CPNE4: variants seen among roughly 807,000 people sequenced by gnomAD.
The protein encoded by CPNE4 is copine-4.
In CPNE4, 25 loss-of-function variants were observed where a neutral mutation model predicts 67.9. The observed-to-expected ratio is 0.37, with a 90% CI of 0.27 to 0.51. The LOEUF (loss-of-function observed/expected upper bound fraction) is 0.51. Among genes scored for constraint, CPNE4 ranks in the 20% least tolerant of loss-of-function variants. The pLI, the probability that CPNE4 is intolerant of heterozygous loss-of-function variation, is 0.93. For missense variants in CPNE4, 464 were observed against 690.8 expected (o/e 0.67, Z 3.68); for synonymous variants, 242 against 244.9 (o/e 0.99, Z 0.11).
At chr3:131,851,931 G>A (rs1288219106) in intron 2 of CPNE4, among the ~76,000 whole-genome samples, 1 of 151,912 alleles carries the variant, frequency 6.6e-6, no homozygotes, top group Non-Finnish European at 1.5e-5. Flanking sequence ...CCTGATAACC[G>A]CACAGTCTTA....
chr3:131,552,427 C>G lies in CPNE4; in HGVS notation c.1168+13G>C. On this transcript the variant is annotated intron_variant, in intron 13 of 15. Transcript: ENST00000429747. ...GGACTGTGACACTGGCTTTCTTTCACGTTGTGCTTTACCTGCACATTCTGG... is the reference window on the plus strand; with the variant it reads ...GGACTGTGACACTGGCTTTCTTTCAGGTTGTGCTTTACCTGCACATTCTGG... 6.2e-7 allele frequency: 1 copy of G among 1,610,526 alleles called. No individual in the cohort carries two copies. Among genetic ancestry groups the G allele is most frequent in the East Asian group, 2.2e-5 (1 of 44,822 alleles).
intron 1 of CPNE4, among the ~76,000 whole-genome samples, chr3:131,945,458 C>T (rs2071525541): frequency 6.6e-6 from 1 of 152,160 alleles, no homozygotes; most frequent in African/African-American, 2.4e-5. Context: ...CAGCCAATGA[C>T]AGAATAGTTT....
chr3:131,555,398 G>T, intron 12 of CPNE4, 99 bp downstream of exon 12: 1 of 1,018,136 alleles, frequency 9.8e-7, no homozygotes, highest in Non-Finnish European at 1.5e-6. Context: ...TACTGACACA[G>T]TTAGGTCAGA....
intron 7 of CPNE4, among the ~76,000 whole-genome samples, chr3:131,635,714 A>T (rs58737291): frequency 5.9e-5 from 9 of 151,380 alleles, no homozygotes; most frequent in African/African-American, 2.2e-4. Context: ...CAGACCAAAC[A>T]GGGGAGAGGG....
At chr3:131,926,071 T>G (rs1376309090) in intron 1 of CPNE4, among the ~76,000 whole-genome samples, 3 of 152,150 alleles carry the variant, frequency 2.0e-5, no homozygotes, top group Non-Finnish European at 4.4e-5. Context: ...AAACAAAGTG[T>G]AATTTTTAAA....
chr3:131,798,723 C>A (rs2083990071), intron 2 of CPNE4, among the ~76,000 whole-genome samples: 1 of 152,082 alleles, frequency 6.6e-6, no homozygotes, highest in African/African-American at 2.4e-5. Context: ...TAGAAGCAAG[C>A]AAGGAATGAC....
At chr3:131,874,784 G>A (rs988266330) in intron 2 of CPNE4, among the ~76,000 whole-genome samples, 4 of 152,086 alleles carry the variant, frequency 2.6e-5, no homozygotes, top group Admixed American at 2.6e-4. Context: ...ATTCACATCT[G>A]GAGTTCCTTG....
chr3:132,012,612 T>C (rs1408545245), intron 1 of CPNE4, among the ~76,000 whole-genome samples: 1 of 152,122 alleles, frequency 6.6e-6, no homozygotes, highest in Non-Finnish European at 1.5e-5. Context: ...AAGAGGCTCC[T>C]GGGCAAATAG....
chr3:131,778,633 G>A (rs945530022), intron 2 of CPNE4, among the ~76,000 whole-genome samples: 1 of 152,066 alleles, frequency 6.6e-6, no homozygotes, highest in Non-Finnish European at 1.5e-5. Flanking sequence ...TTCTTTTGGA[G>A]AGTGTGCCAA....
At chr3:131,878,730 G>A (rs1438645375) in intron 2 of CPNE4, among the ~76,000 whole-genome samples, 1 of 152,116 alleles carries the variant, frequency 6.6e-6, no homozygotes, top group Non-Finnish European at 1.5e-5. Context: ...TTGCTATAAG[G>A]AAATAAGATA....
At chr3:131,792,814 G>C (rs917730929) in intron 2 of CPNE4, among the ~76,000 whole-genome samples, 1 of 145,384 alleles carries the variant, frequency 6.9e-6, no homozygotes, top group Non-Finnish European at 1.5e-5. Context: ...TATATGTGGA[G>C]TGTGTGTGTA....
At chr3:131,711,987 C>T (rs936296549) in intron 3 of CPNE4, among the ~76,000 whole-genome samples, 2 of 152,208 alleles carry the variant, frequency 1.3e-5, no homozygotes, top group Admixed American at 1.3e-4. Flanking sequence ...TGGGGACTAA[C>T]ATCTGCAAAT....
At chr3:131,965,137 A>C (rs899255900) in intron 1 of CPNE4, among the ~76,000 whole-genome samples, 7 of 152,134 alleles carry the variant, frequency 4.6e-5, no homozygotes, top group Non-Finnish European at 7.4e-5. Flanking sequence ...CTTCATACAC[A>C]AAGGAGAAAT....
intron 7 of CPNE4, among the ~76,000 whole-genome samples, chr3:131,593,395 C>A (rs1427256917): frequency 6.6e-6 from 1 of 152,064 alleles, no homozygotes; most frequent in Non-Finnish European, 1.5e-5. Flanking sequence ...AAGTCTATCC[C>A]TAAGTATTTT....
intron 8 of CPNE4, among the ~76,000 whole-genome samples, chr3:131,585,078 G>A (rs192062526): frequency 4.1e-4 from 63 of 152,168 alleles, no homozygotes; most frequent in Non-Finnish European, 1.0e-4. Context: ...CTTCAAATGC[G>A]TTTCTCTCAC....
intron 1 of CPNE4, among the ~76,000 whole-genome samples, chr3:131,990,252 G>A (rs1012781714): frequency 2.9e-5 from 4 of 136,168 alleles, no homozygotes; most frequent in African/African-American, 7.4e-5. Context: ...TTAGTTTTAC[G>A]AAAGAATAAT....
chr3:131,637,329 A>G (rs527548200), intron 7 of CPNE4, among the ~76,000 whole-genome samples: 21 of 152,332 alleles, frequency 1.4e-4, no homozygotes, highest in Middle Eastern at 3.4e-3. Flanking sequence ...TCAGTGAAAT[A>G]GATAGCATAA....
intron 7 of CPNE4, among the ~76,000 whole-genome samples, chr3:131,667,649 C>T (rs2080299703): frequency 6.6e-6 from 1 of 151,334 alleles, no homozygotes; most frequent in Non-Finnish European, 1.5e-5. Context: ...CCTTCTTTTC[C>T]TCTATTCTTC....
At chr3:131,883,127 T>C (rs1583398939) in intron 2 of CPNE4, among the ~76,000 whole-genome samples, 1 of 152,182 alleles carries the variant, frequency 6.6e-6, no homozygotes, top group African/African-American at 2.4e-5. Flanking sequence ...CTATAAATAA[T>C]AGAGCTGGAA....
Sources: gnomAD v4.1 joint callset for allele counts (sites outside exome capture counted in the v4.1 genomes callset) on GRCh38, gnomAD v4.1.1 for gene constraint, MANE v1.5 for transcripts, NCBI Gene and HGNC (gene_info 2026-07-23, HGNC 2026-07-21) for gene names.